The following LUC7L2 variants were observed in gnomAD, a reference collection of about 807,000 sequenced individuals.
LUC7L2 encodes the protein putative RNA-binding protein Luc7-like 2.
LUC7L2 carries 25 observed loss-of-function variants against 52.8 expected under a neutral mutation model. The observed-to-expected ratio is 0.47, with a 90% CI of 0.34 to 0.66. LUC7L2 has a LOEUF of 0.66. Among genes scored for constraint, LUC7L2 ranks in the 30% least tolerant of loss-of-function variants. The pLI, the probability that LUC7L2 is intolerant of heterozygous loss-of-function variation, is 0.01. For synonymous variants in LUC7L2, 144 were observed against 160.9 expected (o/e 0.89, Z 0.80); for missense variants, 328 against 497.8 (o/e 0.66, Z 3.25).
intron 2 of LUC7L2, among the ~76,000 whole-genome samples, chr7:139,387,925 CTT>C (rs1794274471): frequency 6.6e-6 from 1 of 152,134 alleles, no homozygotes; most frequent in African/African-American, 2.4e-5. Flanking sequence ...GCCTGGTTCT[CTT>C]GTTTGACCAA....
intron 1 of LUC7L2, chr7:139,374,786 C>A (rs1800622634): frequency 1.8e-6 from 2 of 1,135,102 alleles, no homozygotes; most frequent in Non-Finnish European, 2.2e-6. Context: ...CTTACCCCAT[C>A]TAAAAATGAT....
chr7:139,385,311 CTTTTTTTTT>C (rs58744665), intron 2 of LUC7L2, among the ~76,000 whole-genome samples: 1,673 of 118,570 alleles, frequency 0.014, 50 homozygotes, highest in African/African-American at 0.042. Flanking sequence ...GTTAGGATTA[CTTTTTTTTT>C]TTTTTTTTTT....
intron 2 of LUC7L2, chr7:139,392,425 T>C: frequency 2.6e-6 from 1 of 388,278 alleles, no homozygotes; most frequent in Non-Finnish European, 5.1e-6. Context: ...CTTTGTTACC[T>C]TTGTTAGTAA....
intron 1 of LUC7L2, among the ~76,000 whole-genome samples, chr7:139,361,487 G>A (rs1273783164): frequency 6.6e-6 from 1 of 152,196 alleles, no homozygotes; most frequent in African/African-American, 2.4e-5. Flanking sequence ...AAATCTTTCA[G>A]CAGTGCGTAG....
intron 4 of LUC7L2, 27 bp from the exon 5 acceptor site, chr7:139,405,617 A>G: frequency 6.4e-7 from 1 of 1,568,580 alleles, no homozygotes; most frequent in Non-Finnish European, 8.6e-7. Flanking sequence ...TTGTTTATTC[A>G]TGATCTTCTT....
chr7:139,413,652 C>T (rs1208303550), intron 8 of LUC7L2, among the ~76,000 whole-genome samples: 3 of 152,114 alleles, frequency 2.0e-5, no homozygotes, highest in Admixed American at 1.3e-4. Context: ...GTGGCAGGTG[C>T]CTGTAATCCC....
chr7:139,390,433 T>C (rs1029660809), intron 2 of LUC7L2, among the ~76,000 whole-genome samples: 1 of 151,936 alleles, frequency 6.6e-6, no homozygotes, highest in African/African-American at 2.4e-5. Context: ...TTCGCCATAT[T>C]GGCCAGGCTG....
chr7:139,417,431 T>TA, intron 8 of LUC7L2, 107 bp from the exon 9 acceptor site: 4 of 1,354,834 alleles, frequency 3.0e-6, no homozygotes, highest in Non-Finnish European at 2.0e-6. Context: ...GGAATATAAT[T>TA]GACATTAAGA....
rs189757052 is a variant in LUC7L2 at position 139,351,253 on chromosome 7, C to T, written c.-26+10736C>T. Among the ~76,000 whole-genome samples the T allele has an allele frequency of 2.9e-3, 449 of 152,268 alleles. 2 individuals carry two copies. Among genetic ancestry groups the T allele is most frequent in the Non-Finnish European group, 3.7e-3 (253 of 68,028 alleles). On this transcript the variant is annotated intron_variant, in intron 1 of 10. Coordinates refer to the LUC7L2 transcript ENST00000541170. The stretch of plus-strand genomic sequence containing the variant: ...TCAGTTATCTCAAATTCAATGTGTG[C>T]GAAATGGAACCTCCTCATCTTCCCC...
chr7:139,386,715 A>G (rs1718362481), intron 2 of LUC7L2, among the ~76,000 whole-genome samples: 1 of 149,964 alleles, frequency 6.7e-6, no homozygotes, highest in Non-Finnish European at 1.5e-5. Flanking sequence ...CACTGGAAAT[A>G]TTTTTTAACA....
rs186540728 is a variant in LUC7L2 at position 139,410,012 on chromosome 7, C to A, written c.779+358C>A. Among the ~76,000 whole-genome samples the A allele has an allele frequency of 4.6e-5, 7 of 152,192 alleles. No individual in the cohort carries two copies. The East Asian group carries it at 7.7e-4, about 17-fold the overall frequency. On this transcript the variant is annotated intron_variant, in intron 7 of 9. Coordinates refer to ENST00000354926, the MANE Select transcript of LUC7L2 (RefSeq NM_016019.5). The stretch of plus-strand genomic sequence containing the variant: ...CACGAGGTCAGGAGATCGAGACCAT[C>A]CTGGCTAACACGGTGAAACCCCGAC...
intron 1 of LUC7L2, among the ~76,000 whole-genome samples, chr7:139,350,593 A>AT (rs1168422370): frequency 2.6e-5 from 4 of 151,080 alleles, no homozygotes; most frequent in African/African-American, 9.8e-5. Context: ...GATCTTAGTT[A>AT]TTTTTTATCT....
At chr7:139,414,137 C>T (rs1047029056) in intron 8 of LUC7L2, among the ~76,000 whole-genome samples, 10 of 152,176 alleles carry the variant, frequency 6.6e-5, no homozygotes, top group African/African-American at 1.9e-4. Flanking sequence ...TTGCCCACCC[C>T]CCTTCTTCAC....
At chr7:139,345,965 C>T (rs1337711781) in intron 1 of LUC7L2, 4 of 242,090 alleles carry the variant, frequency 1.7e-5, no homozygotes, top group Non-Finnish European at 2.4e-5. Context: ...TAGCCAGGCA[C>T]GGTGGCTCAC....
At chr7:139,353,350 A>G (rs996724759) in intron 1 of LUC7L2, among the ~76,000 whole-genome samples, 18 of 152,236 alleles carry the variant, frequency 1.2e-4, no homozygotes, top group African/African-American at 4.1e-4. Context: ...GACAGCTAGC[A>G]AAACATGTTA....
At chr7:139,360,365 G>A in intron 1 of LUC7L2, 43 bp downstream of exon 1, 2 of 1,531,510 alleles carry the variant, frequency 1.3e-6, no homozygotes, top group African/African-American at 1.4e-5. Context: ...AGGGGACGGG[G>A]ACGGCGAAGG....
chr7:139,351,448 T>C (rs570671787), intron 1 of LUC7L2, among the ~76,000 whole-genome samples: 1 of 152,338 alleles, frequency 6.6e-6, no homozygotes, highest in East Asian at 1.9e-4. Context: ...ATTGCTGCTA[T>C]CCTAGTGTAG....
At chr7:139,376,241 G>T in intron 2 of LUC7L2, 85 bp downstream of exon 2, 1 of 1,400,826 alleles carries the variant, frequency 7.1e-7, no homozygotes, top group Non-Finnish European at 9.9e-7. Flanking sequence ...TGTGTCAAAA[G>T]AATTGACTTG....
intron 9 of LUC7L2, among the ~76,000 whole-genome samples, chr7:139,418,331 CAA>C (rs1795721296): frequency 6.6e-6 from 1 of 152,130 alleles, no homozygotes; most frequent in African/African-American, 2.4e-5. Flanking sequence ...TAAGGATAGA[CAA>C]AGGATTATAA....
Sources: allele counts gnomAD v4.1 joint callset (sites outside exome capture counted in the v4.1 genomes callset), GRCh38; gene constraint gnomAD v4.1.1; transcripts MANE v1.5; gene names NCBI Gene and HGNC (gene_info 2026-07-23, HGNC 2026-07-21).